MYBBP1A: variants seen among roughly 807,000 people sequenced by gnomAD.
MYBBP1A encodes MYB binding protein 1a, also known as myb-binding protein 1A.
MYBBP1A carries 147 observed loss-of-function variants against 136.3 expected under a neutral mutation model. That is an observed-to-expected ratio of 1.08 (90% CI 0.94 to 1.24). The LOEUF is 1.24. Ranked by LOEUF, MYBBP1A falls within the 50% of genes most tolerant of loss-of-function variation. MYBBP1A has a pLI of 0.00. For synonymous variants in MYBBP1A, 947 were observed against 735.8 expected (o/e 1.29, Z -4.65); for missense variants, 2,060 against 1,727.4 (o/e 1.19, Z -3.41).
chr17:4,540,930 C>CGTCCCGGGCCCCGTCCCGGGCCCT (rs1906357271), intron 24 of MYBBP1A, among the ~76,000 whole-genome samples: 1 of 152,240 alleles, frequency 6.6e-6, no homozygotes, highest in East Asian at 1.9e-4. Context: ...TGTAAGGCCC[C>CGTCCCGGGCCCCGTCCCGGGCCCT]GTCCCGGGCC....
chr17:4,546,832 G>A (rs987638470), intron 13 of MYBBP1A, among the ~76,000 whole-genome samples: 2 of 152,084 alleles, frequency 1.3e-5, no homozygotes, highest in Non-Finnish European at 2.9e-5. Context: ...GTGGGACAAA[G>A]CAGCCCAAAG....
chr17:4,541,538 C>T lies in MYBBP1A; in HGVS notation c.3222G>A (p.Gln1074=). ...TENLRVLGEA[Q]TKAQHQQALS... Reference sequence around the variant, plus strand: ...GTGCCTGCTGATGCTGCGCCTTGGTCTGCGCCTCCCCCAGCACGCGCAAGT... The same window carrying T: ...GTGCCTGCTGATGCTGCGCCTTGGTTTGCGCCTCCCCCAGCACGCGCAAGT... The change falls in exon 24 of 26, where the codon CAG becomes CAA. Residue 1074 remains glutamine (Q), a synonymous_variant. Coordinates refer to ENST00000254718, the MANE Select transcript of MYBBP1A (RefSeq NM_014520.4). The T allele has an allele frequency of 6.2e-7, 1 of 1,613,182 alleles. No individual in the cohort carries two copies. Among genetic ancestry groups the T allele is most frequent in the Non-Finnish European group, 8.5e-7 (1 of 1,180,042 alleles).
rs912844427 is a variant in MYBBP1A at position 4,555,181 on chromosome 17, C to T, written c.144G>A (p.Glu48=). 8.7e-6 allele frequency: 14 copies of T among 1,607,092 alleles called. No homozygotes were observed. The highest frequency in any genetic ancestry group is 1.2e-5 in the Non-Finnish European group (14 of 1,177,090). ...FFWDIAKPEQ[E]TRLAATEKLL... is the part of the protein sequence containing the mutation. ...GCTTCTCCGTGGCCGCAAGTCGCGT[C>T]TCCTGCTCAGGCTTCGCAATGTCCC... The change falls in exon 1 of 26, where the codon GAG becomes GAA. Residue 48 remains glutamate (E), a synonymous_variant. Transcript: ENST00000254718.
rs1235798111 is a variant in MYBBP1A at position 4,552,954 on chromosome 17, T to G, written c.562-328A>C. Among the ~76,000 whole-genome samples, 4 of 151,492 alleles carry G rather than the reference T, an allele frequency of 2.6e-5. No individual in the cohort carries two copies. On this transcript the variant is annotated intron_variant, in intron 5 of 25. Transcript: ENST00000254718. This position sits in a 1 kb window ranked among gnomAD's most constrained non-coding sequence, Gnocchi z 4.7. ...GTTGAAGCAATTCTCCTGCCTCAGGTGGGATTAAAGGTGTGCGCCATCACA... is the reference window on the plus strand; with the variant it reads ...GTTGAAGCAATTCTCCTGCCTCAGGGGGGATTAAAGGTGTGCGCCATCACA...
In MYBBP1A at chr17:4,553,750, C is replaced by T. The variant is rs534039035; in HGVS notation, c.561+60G>A. On this transcript the variant is annotated intron_variant, in intron 5 of 25. Transcript: ENST00000254718. The stretch of plus-strand genomic sequence containing the variant: ...GTGCTGTTCCAGATTCTCATCCGAG[C>T]CCCCTTGATGTCTCTGTAACAAAGT... The T allele has an allele frequency of 1.1e-4, 139 of 1,283,748 alleles. 2 individuals are homozygous for T. In the South Asian group the frequency reaches 1.5e-3, roughly 14 times the overall value. 79.5% of individuals were successfully genotyped at this position (1,283,748 alleles called of 1,614,324 possible).
At chr17:4,543,907 G>A (rs1284918960) in intron 19 of MYBBP1A, among the ~76,000 whole-genome samples, 2 of 151,966 alleles carry the variant, frequency 1.3e-5, no homozygotes, top group African/African-American at 2.4e-5. Flanking sequence ...CACTGCTCTT[G>A]CTGATAATGC....
chr17:4,541,687 CTG>C, intron 23 of MYBBP1A, 95 bp downstream of exon 23: 1 of 1,440,894 alleles, frequency 6.9e-7, no homozygotes, highest in South Asian at 1.1e-5. Flanking sequence ...TCTCCCGACT[CTG>C]GACTCAGGCT....
At position 4,552,718 on chromosome 17, in the gene MYBBP1A, T is replaced by G; in HGVS notation, c.562-92A>C. 1 of 1,256,044 alleles carries G rather than the reference T, an allele frequency of 8.0e-7. No homozygotes were observed. Among genetic ancestry groups the G allele is most frequent in the Admixed American group, 2.2e-5 (1 of 46,150 alleles). The allele number at this position is 1,256,044 out of a possible 1,614,324, so 77.8% of individuals were successfully genotyped here. On this transcript the variant is annotated intron_variant, in intron 5 of 25. Transcript: ENST00000254718. The surrounding 1 kb of genome is among the most constrained non-coding windows in gnomAD (Gnocchi z 4.7). ...CTGCTCCTGACACGGGGCCACCTGG[T>G]GAGGTATCAGAGTCATCAGAGGCCA...
Position 4,545,941 on chromosome 17 carries a change from G to GACTGCGGGCAGGGTAGGACACAC in MYBBP1A, c.1825-22_1825dup (p.Ser609CysfsTer48). The GACTGCGGGCAGGGTAGGACACAC allele has an allele frequency of 6.2e-7, 1 of 1,612,782 alleles. No individual in the cohort carries two copies. The highest frequency in any genetic ancestry group is 8.5e-7 in the Non-Finnish European group (1 of 1,179,754). On this transcript the variant is annotated frameshift_variant and splice_region_variant, in exon 14 of 26. Transcript: ENST00000254718. LOFTEE classifies it high-confidence loss of function. ...CAGCAGGTCACAGCTCTCTGCAGGG[G>GACTGCGGGCAGGGTAGGACACAC]ACTGCGGGCAGGGTAGGACACACAC...
Position 4,542,761 on chromosome 17 carries a change from G to C in MYBBP1A, c.2893-20C>G, listed in dbSNP as rs199646994. Reference sequence around the variant, plus strand: ...GGCAGCCTAGGCCAGGGGAGAGCGAGCTGGGTGAGGCCAGGAGAGGGGTCC... The same window carrying C: ...GGCAGCCTAGGCCAGGGGAGAGCGACCTGGGTGAGGCCAGGAGAGGGGTCC... On this transcript the variant is annotated intron_variant, in intron 20 of 25. Transcript: ENST00000254718. The C allele has an allele frequency of 6.2e-7, 1 of 1,612,560 alleles. No homozygotes were observed. Among genetic ancestry groups the C allele is most frequent in the Non-Finnish European group, 8.5e-7 (1 of 1,179,098 alleles).
Position 4,555,001 on chromosome 17 carries a change from T to C in MYBBP1A, c.199-45A>G, listed in dbSNP as rs756771246. 11 of 1,607,866 alleles carry C rather than the reference T, an allele frequency of 6.8e-6. No individual in the cohort carries two copies. In the Admixed American group the frequency reaches 1.8e-4, roughly 27 times the overall value. On this transcript the variant is annotated intron_variant, in intron 1 of 25. Transcript: ENST00000254718. ...CTCGTGTTCAATGGTGACAACAAGG[T>C]GCACGCCCCCGCGCACCCTGGCATC...
chr17:4,553,975 T>C (rs1907775253), intron 4 of MYBBP1A, 44 bp downstream of exon 4: 1 of 1,613,586 alleles, frequency 6.2e-7, no homozygotes, highest in Non-Finnish European at 8.5e-7. Context: ...CCCCCACCCA[T>C]CCCAAGCCAG....
chr17:4,552,537 G>A lies in MYBBP1A; in HGVS notation c.651C>T (p.Leu217=), dbSNP rs1411462659. 3.1e-6 allele frequency: 5 copies of A among 1,613,968 alleles called. No individual in the cohort carries two copies. In the African/African-American group the frequency reaches 4.0e-5, roughly 13 times the overall value. The change falls in exon 6 of 26, where the codon CTC becomes CTT. Residue 217 remains leucine (L), a synonymous_variant. Coordinates refer to ENST00000254718, the MANE Select transcript of MYBBP1A (RefSeq NM_014520.4). This position sits in a 1 kb window ranked among gnomAD's most constrained non-coding sequence, Gnocchi z 4.7. The part of the protein sequence containing the change: ...IILSSPEQLE[L]FLLAQQKVPS... Reference sequence around the variant, plus strand: ...GCACCTTCTGCTGGGCCAGGAGGAAGAGCTCTAGCTGTTCAGGGGAGCTGA... The same window carrying A: ...GCACCTTCTGCTGGGCCAGGAGGAAAAGCTCTAGCTGTTCAGGGGAGCTGA...
rs769176856 is a variant in MYBBP1A at position 4,552,434 on chromosome 17, G to A, written c.737+17C>T. ...CCTTGGCCCCAGGGAGGGCAAATCC[G>A]CCCACCTCCATCACACCTGGGGACA... On this transcript the variant is annotated intron_variant, in intron 6 of 25. Transcript: ENST00000254718. This position sits in a 1 kb window ranked among gnomAD's most constrained non-coding sequence, Gnocchi z 4.7. 1.2e-5 allele frequency: 19 copies of A among 1,610,086 alleles called. 1 individual carries two copies. Among genetic ancestry groups the A allele is most frequent in the African/African-American group, 5.3e-5 (4 of 74,822 alleles).
At chr17:4,547,273 C>T (rs1009016866) in intron 13 of MYBBP1A, among the ~76,000 whole-genome samples, 4 of 152,118 alleles carry the variant, frequency 2.6e-5, no homozygotes, top group African/African-American at 9.7e-5. Flanking sequence ...AAGTCAAGTT[C>T]GGAGATCCCA....
rs1252817251 is a variant in MYBBP1A, at chr17:4,539,978, G to A, written c.3435-11C>T. ...TCCAACTTGGGGCGCCTGAAGGGAAGTGAGCAAGGTTAGAAGGTGCCCATC... is the reference window on the plus strand; with the variant it reads ...TCCAACTTGGGGCGCCTGAAGGGAAATGAGCAAGGTTAGAAGGTGCCCATC... On this transcript the variant is annotated splice_polypyrimidine_tract_variant and intron_variant, in intron 25 of 25. Transcript: ENST00000254718. The A allele has an allele frequency of 6.3e-7, 1 of 1,597,104 alleles. No homozygotes were observed. The highest frequency in any genetic ancestry group is 8.5e-7 in the Non-Finnish European group (1 of 1,178,742).
At position 4,540,492 on chromosome 17, in the gene MYBBP1A, G is replaced by GGGTGGGAAGGCAGAGC; in HGVS notation, c.3298-24_3298-9dup. 2 of 1,603,930 alleles carry GGGTGGGAAGGCAGAGC rather than the reference G, an allele frequency of 1.2e-6. No individual in the cohort carries two copies. Among genetic ancestry groups the GGGTGGGAAGGCAGAGC allele is most frequent in the Non-Finnish European group, 1.7e-6 (2 of 1,176,648 alleles). On this transcript the variant is annotated splice_polypyrimidine_tract_variant and intron_variant, in intron 24 of 25. Coordinates refer to ENST00000254718, the MANE Select transcript of MYBBP1A (RefSeq NM_014520.4). The stretch of plus-strand genomic sequence containing the variant: ...CAGGTCCAAGGTCAGCTTCTGCAGA[G>GGGTGGGAAGGCAGAGC]GGTGGGAAGGCAGAGCTGTGGGGCC...
intron 1 of MYBBP1A, 78 bp downstream of exon 1, chr17:4,555,049 C>T: frequency 6.3e-7 from 1 of 1,583,478 alleles, no homozygotes; most frequent in South Asian, 1.1e-5. Flanking sequence ...CACGTGCCCC[C>T]AGTCTCAACT....
intron 22 of MYBBP1A, 176 bp from the exon 23 acceptor site, chr17:4,542,067 C>G: frequency 1.7e-6 from 1 of 603,974 alleles, no homozygotes; most frequent in Non-Finnish European, 2.9e-6. Flanking sequence ...GGTGGGGACA[C>G]CAAGGCCTCC....
Sources: allele counts gnomAD v4.1 joint callset (sites outside exome capture counted in the v4.1 genomes callset), GRCh38; gene constraint gnomAD v4.1.1; non-coding constraint Gnocchi (gnomAD v3.1); transcripts MANE v1.5; gene names NCBI Gene and HGNC (gene_info 2026-07-23, HGNC 2026-07-21).